Variants in CAAP1 observed in about 807,000 individuals in gnomAD.
CAAP1 encodes caspase activity and apoptosis inhibitor 1.
In CAAP1, 20 loss-of-function variants were observed where a neutral mutation model predicts 34.0. The ratio of observed to expected loss-of-function variants is 0.59; its 90% CI spans 0.41 to 0.86. The LOEUF is 0.86. CAAP1 is among the 40% of genes least tolerant of loss of function. CAAP1 has a pLI of 0.00. For synonymous variants in CAAP1, 213 were observed against 166.7 expected (o/e 1.28, Z -2.14); for missense variants, 538 against 450.5 (o/e 1.19, Z -1.76).
chr9:26,856,439 T>A (rs551639496), intron 5 of CAAP1, among the ~76,000 whole-genome samples: 1 of 152,226 alleles, frequency 6.6e-6, no homozygotes, highest in African/African-American at 2.4e-5. Flanking sequence ...ATATTTCACA[T>A]TGCTTCCATT....
At chr9:26,860,981 A>C (rs1364580969) in intron 5 of CAAP1, 85 bp downstream of exon 5, 2 of 927,510 alleles carry the variant, frequency 2.2e-6, no homozygotes, top group African/African-American at 3.3e-5. Flanking sequence ...AAATGGGGTG[A>C]GTTAGACACT....
intron 4 of CAAP1, among the ~76,000 whole-genome samples, chr9:26,883,856 C>G (rs2131338440): frequency 6.6e-6 from 1 of 152,176 alleles, no homozygotes; most frequent in Admixed American, 6.5e-5. Context: ...TGATCTAAAG[C>G]TAAGTATGTT....
intron 4 of CAAP1, among the ~76,000 whole-genome samples, chr9:26,872,553 A>AATATATATATAT (rs145299717): frequency 4.2e-5 from 6 of 142,558 alleles, no homozygotes; most frequent in African/African-American, 1.6e-4. Context: ...ATATACATAT[A>AATATATATATAT]ATATATATAT....
intron 5 of CAAP1, among the ~76,000 whole-genome samples, chr9:26,853,048 A>G (rs1822789513): frequency 6.6e-6 from 1 of 152,250 alleles, no homozygotes; most frequent in Non-Finnish European, 1.5e-5. Flanking sequence ...GCCAAAGGAA[A>G]GATGGACTAT....
chr9:26,843,621 C>T (rs1325697226), intron 5 of CAAP1, among the ~76,000 whole-genome samples: 1 of 151,794 alleles, frequency 6.6e-6, no homozygotes, highest in Non-Finnish European at 1.5e-5. Flanking sequence ...GTCATGATCC[C>T]CAAAATGTTA....
At chr9:26,846,571 CATTAT>C (rs1390194912) in intron 5 of CAAP1, among the ~76,000 whole-genome samples, 4 of 152,090 alleles carry the variant, frequency 2.6e-5, no homozygotes, top group African/African-American at 9.6e-5. Context: ...CTAATCTTTA[CATTAT>C]ATCTTTTTTG....
chr9:26,892,356 C>G (rs757156829), intron 1 of CAAP1, 57 bp downstream of exon 1: 304 of 1,587,052 alleles, frequency 1.9e-4, no homozygotes, highest in Non-Finnish European at 2.4e-4. Flanking sequence ...TCTGGAAGCC[C>G]GACTTCTTCC....
intron 5 of CAAP1, among the ~76,000 whole-genome samples, chr9:26,843,674 A>C (rs531188423): frequency 1.0e-3 from 153 of 152,150 alleles, no homozygotes; most frequent in African/African-American, 3.5e-3. Context: ...CTTTCCTTAC[A>C]GTAGGGAAAG....
chr9:26,848,343 C>G (rs1346535464), intron 5 of CAAP1, among the ~76,000 whole-genome samples: 1 of 152,068 alleles, frequency 6.6e-6, no homozygotes, highest in African/African-American at 2.4e-5. Flanking sequence ...GAAGCCCCGT[C>G]TCTACCAAAA....
intron 1 of CAAP1, 34 bp downstream of exon 1, chr9:26,892,379 G>A: frequency 6.2e-7 from 1 of 1,600,084 alleles, no homozygotes; most frequent in Non-Finnish European, 8.5e-7. Context: ...AAAAGCAGCA[G>A]CTCCAGGAAG....
chr9:26,869,401 G>T (rs1823219216), intron 4 of CAAP1, among the ~76,000 whole-genome samples: 1 of 151,964 alleles, frequency 6.6e-6, no homozygotes, highest in Non-Finnish European at 1.5e-5. Flanking sequence ...TGGGGCCATG[G>T]CCTTACCTTT....
intron 5 of CAAP1, among the ~76,000 whole-genome samples, chr9:26,851,202 T>C (rs1822742924): frequency 6.6e-6 from 1 of 152,100 alleles, no homozygotes; most frequent in African/African-American, 2.4e-5. Flanking sequence ...AATTACGCAA[T>C]ACAAAATATA....
At chr9:26,870,719 T>C (rs569510165) in intron 4 of CAAP1, among the ~76,000 whole-genome samples, 1 of 151,458 alleles carries the variant, frequency 6.6e-6, no homozygotes, top group Non-Finnish European at 1.5e-5. Flanking sequence ...CCGGTTCAGG[T>C]GATCCCCCTG....
At position 26,842,310 on chromosome 9, in the gene CAAP1, C is replaced by CT; in HGVS notation, c.1076dup (p.Pro360AlafsTer6). On this transcript the variant is annotated frameshift_variant, in exon 6 of 6. Coordinates refer to ENST00000333916, the MANE Select transcript of CAAP1 (RefSeq NM_024828.4). LOFTEE classifies it high-confidence loss of function. The stretch of plus-strand genomic sequence containing the variant: ...AAATCAAGTTAAATACCTAGGCTGG[C>CT]TTTTTTATATCACCAGCTTTCATTA... 1 of 1,564,538 alleles carries CT rather than the reference C, an allele frequency of 6.4e-7. No homozygotes were observed. The highest frequency in any genetic ancestry group is 8.6e-7 in the Non-Finnish European group (1 of 1,157,734).
intron 5 of CAAP1, among the ~76,000 whole-genome samples, chr9:26,860,787 T>C (rs1037577249): frequency 2.6e-5 from 4 of 152,264 alleles, no homozygotes; most frequent in African/African-American, 4.8e-5. Flanking sequence ...CAAGACTCTG[T>C]CTCAAAATAA....
chr9:26,890,039 T>C (rs1481256508), intron 1 of CAAP1, among the ~76,000 whole-genome samples: 2 of 152,090 alleles, frequency 1.3e-5, no homozygotes, highest in Non-Finnish European at 2.9e-5. Flanking sequence ...TTTTCAATAT[T>C]CAATTGACCA....
In CAAP1 at chr9:26,887,507, T is replaced by A; in HGVS notation, c.310A>T (p.Lys104Ter). 6.3e-7 allele frequency: 1 copy of A among 1,589,246 alleles called. No homozygotes were observed. Among genetic ancestry groups the A allele is most frequent in the Non-Finnish European group, 8.6e-7 (1 of 1,167,918 alleles). The change falls in exon 2 of 6, where the codon AAA (lysine) becomes TAA (stop). Residue 104 changes from lysine (K) to a stop codon, truncating the protein, a stop_gained. Transcript: ENST00000333916. LOFTEE classifies it high-confidence loss of function. ...SVSGSLQQET[K>*]YILPTLEKEL... ...TTTTCCAAAGTTGGCAAAATATATT[T>A]AGTTTCCTAAAGTTAAAAGAATAAA...
intron 4 of CAAP1, among the ~76,000 whole-genome samples, chr9:26,875,644 A>G (rs888342336): frequency 5.3e-5 from 8 of 150,868 alleles, no homozygotes; most frequent in Admixed American, 6.6e-5. Flanking sequence ...TTCCCCTTCA[A>G]TCAGAGTCTC....
rs373357233 is a variant in CAAP1, at chr9:26,890,613, A to C, written c.303+1800T>G. On this transcript the variant is annotated intron_variant, in intron 1 of 5. Transcript: ENST00000333916. The stretch of plus-strand genomic sequence containing the variant: ...AAAGCTTCCTAATTCAATCCATTAC[A>C]AAAATAAAAACTACAGTCTGATCTA... 2.4e-4 allele frequency among the ~76,000 whole-genome samples: 37 copies of C among 152,220 alleles called. No individual in the cohort carries two copies. The East Asian group carries it at 5.2e-3, about 21-fold the overall frequency.
Sources: gnomAD v4.1 joint callset for allele counts (sites outside exome capture counted in the v4.1 genomes callset) on GRCh38, gnomAD v4.1.1 for gene constraint, MANE v1.5 for transcripts, NCBI Gene and HGNC (gene_info 2026-07-23, HGNC 2026-07-21) for gene names.